The following RGL1 variants were observed in gnomAD, a reference collection of about 807,000 sequenced individuals.
RGL1 encodes ral guanine nucleotide dissociation stimulator-like 1.
A neutral mutation model predicts 95.2 loss-of-function variants in RGL1; 24 were observed. The observed-to-expected ratio is 0.25, with a 90% CI of 0.18 to 0.35. The LOEUF (loss-of-function observed/expected upper bound fraction) is 0.35. Ranked by LOEUF, RGL1 falls within the 10% of genes least tolerant of loss-of-function variation. The pLI, the probability that RGL1 is intolerant of heterozygous loss-of-function variation, is 1.00. For missense variants in RGL1, 715 were observed against 936.3 expected (o/e 0.76, Z 3.08); for synonymous variants, 329 against 344.9 (o/e 0.95, Z 0.51).
At chr1:183,743,587 A>G (rs920244246) in intron 2 of RGL1, among the ~76,000 whole-genome samples, 4 of 152,236 alleles carry the variant, frequency 2.6e-5, no homozygotes, top group Admixed American at 6.5e-5. Context: ...GCAAACTCAC[A>G]TGAATTAAGT....
chr1:183,795,042 T>G (rs1256514645), intron 2 of RGL1, among the ~76,000 whole-genome samples: 2 of 152,200 alleles, frequency 1.3e-5, no homozygotes, highest in Non-Finnish European at 2.9e-5. Context: ...ACTTGCTGAT[T>G]TTGTTTTTTT....
At chr1:183,696,828 T>C (rs570202629) in intron 1 of RGL1, among the ~76,000 whole-genome samples, 4 of 152,338 alleles carry the variant, frequency 2.6e-5, no homozygotes, top group Non-Finnish European at 5.9e-5. Context: ...CAAATCCTAC[T>C]GTACCTATGT....
chr1:183,718,524 C>T (rs539444994), intron 1 of RGL1, among the ~76,000 whole-genome samples: 12 of 152,252 alleles, frequency 7.9e-5, no homozygotes, highest in South Asian at 6.2e-4. Context: ...ACTTTCAAAA[C>T]CACTGGCATA....
chr1:183,740,276 T>C (rs1334032722), intron 1 of RGL1, among the ~76,000 whole-genome samples: 2 of 152,220 alleles, frequency 1.3e-5, no homozygotes, highest in African/African-American at 4.8e-5. Context: ...ATTAATTATG[T>C]AGGTTTTGTT....
intron 3 of RGL1, among the ~76,000 whole-genome samples, chr1:183,849,614 C>T (rs1664701059): frequency 6.6e-6 from 1 of 151,262 alleles, no homozygotes; most frequent in African/African-American, 2.4e-5. Flanking sequence ...CCTCAGCCTC[C>T]TGGGTAGCTG....
At chr1:183,687,070 C>G (rs1470713333) in intron 1 of RGL1, among the ~76,000 whole-genome samples, 2 of 152,346 alleles carry the variant, frequency 1.3e-5, no homozygotes, top group East Asian at 3.8e-4. Flanking sequence ...TCATCTCTTA[C>G]CTAGGCTAAC....
At chr1:183,902,170 G>A (rs1668062825) in intron 11 of RGL1, among the ~76,000 whole-genome samples, 2 of 152,220 alleles carry the variant, frequency 1.3e-5, no homozygotes, top group South Asian at 4.1e-4. Context: ...TGATGCTATG[G>A]AGAAATGACT....
intron 17 of RGL1, among the ~76,000 whole-genome samples, chr1:183,924,859 G>T (rs928116766): frequency 4.6e-5 from 7 of 151,740 alleles, no homozygotes; most frequent in Non-Finnish European, 1.0e-4. Flanking sequence ...CCAGCTACTT[G>T]GGGGGCTGAG....
In RGL1 at chr1:183,715,869, G is replaced by T. The variant is rs541410560; in HGVS notation, c.-32-26257G>T. ...TAGAATCTGCAGTTGGCAAGCTGGAGACTCAGGAGAGCTGATGTTGTAGTT... is the reference window on the plus strand; with the variant it reads ...TAGAATCTGCAGTTGGCAAGCTGGATACTCAGGAGAGCTGATGTTGTAGTT... On this transcript the variant is annotated intron_variant, in intron 1 of 18. Coordinates refer to the RGL1 transcript ENST00000304685. Among the ~76,000 whole-genome samples, 8 of 152,280 alleles carry T rather than the reference G, an allele frequency of 5.3e-5. No homozygotes were observed. The South Asian group carries it at 1.0e-3, about 20-fold the overall frequency.
chr1:183,759,491 T>C (rs969956925), intron 2 of RGL1, among the ~76,000 whole-genome samples: 1 of 152,226 alleles, frequency 6.6e-6, no homozygotes, highest in African/African-American at 2.4e-5. Flanking sequence ...CTCTGACTTT[T>C]GTTATCTTTA....
chr1:183,838,476 T>C (rs1417367139), intron 2 of RGL1, among the ~76,000 whole-genome samples: 1 of 152,222 alleles, frequency 6.6e-6, no homozygotes, highest in African/African-American at 2.4e-5. Flanking sequence ...ATATTCATCA[T>C]AGAAGCCTGA....
chr1:183,900,650 G>A (rs12755559), intron 11 of RGL1, among the ~76,000 whole-genome samples: 8 of 151,958 alleles, frequency 5.3e-5, no homozygotes, highest in Non-Finnish European at 7.4e-5. Flanking sequence ...GATTACAGGC[G>A]TGCACCACCA....
chr1:183,787,827 A>C (rs1260795803), intron 2 of RGL1, among the ~76,000 whole-genome samples: 2 of 145,664 alleles, frequency 1.4e-5, no homozygotes, highest in Non-Finnish European at 3.0e-5. Flanking sequence ...AAACAAAAAC[A>C]AAAAAAAAAG....
chr1:183,685,978 G>C (rs1223734981), intron 1 of RGL1, among the ~76,000 whole-genome samples: 1 of 152,130 alleles, frequency 6.6e-6, no homozygotes, highest in Non-Finnish European at 1.5e-5. Context: ...TTCATATTTT[G>C]CTTTTTACGT....
chr1:183,676,891 A>T (rs1435694532), intron 1 of RGL1, among the ~76,000 whole-genome samples: 1 of 150,304 alleles, frequency 6.7e-6, no homozygotes. Context: ...ATATTTTTGG[A>T]TTTTTTTTGT....
chr1:183,831,787 A>G (rs974458465), intron 2 of RGL1, among the ~76,000 whole-genome samples: 4 of 152,198 alleles, frequency 2.6e-5, no homozygotes, highest in African/African-American at 9.6e-5. Flanking sequence ...GCCAATTTCT[A>G]GAGATTTAAA....
intron 7 of RGL1, among the ~76,000 whole-genome samples, chr1:183,886,797 A>G (rs1002013466): frequency 1.3e-5 from 2 of 152,092 alleles, no homozygotes; most frequent in African/African-American, 2.4e-5. Flanking sequence ...GTCAATTTCT[A>G]TTGAAAGGAT....
At chr1:183,756,089 T>G (rs1420290037) in intron 2 of RGL1, among the ~76,000 whole-genome samples, 1 of 152,062 alleles carries the variant, frequency 6.6e-6, no homozygotes, top group Non-Finnish European at 1.5e-5. Flanking sequence ...TTCACCATGT[T>G]GGCCAGGCTG....
intron 3 of RGL1, among the ~76,000 whole-genome samples, chr1:183,849,802 A>G (rs1048164718): frequency 6.6e-6 from 1 of 151,966 alleles, no homozygotes; most frequent in Non-Finnish European, 1.5e-5. Context: ...TGTTTTTTAA[A>G]CTTTGTAAAC....
Sources: gnomAD v4.1 joint callset for allele counts (sites outside exome capture counted in the v4.1 genomes callset) on GRCh38, gnomAD v4.1.1 for gene constraint, MANE v1.5 for transcripts, NCBI Gene and HGNC (gene_info 2026-07-23, HGNC 2026-07-21) for gene names.